NAV1: variants seen among roughly 807,000 people sequenced by gnomAD.
NAV1 encodes pore membrane and/or filament interacting like protein 3.
A neutral mutation model predicts 175.2 loss-of-function variants in NAV1; 18 were observed. The observed-to-expected ratio is 0.10, with a 90% CI of 0.07 to 0.15. NAV1 has a LOEUF of 0.15. Among genes scored for constraint, NAV1 ranks in the 10% least tolerant of loss-of-function variants. The pLI is 1.00. For missense variants in NAV1, 1,731 were observed against 2,436.6 expected (o/e 0.71, Z 6.10); for synonymous variants, 897 against 978.7 (o/e 0.92, Z 1.56).
At chr1:201,642,415 C>T (rs141200346) in intron 2 of NAV1, among the ~76,000 whole-genome samples, 10,329 of 151,656 alleles carry the variant, frequency 0.068, 1,122 homozygotes, top group African/African-American at 0.23. Flanking sequence ...TTAGTACAGA[C>T]GGGGTTTCAC....
At chr1:201,549,757 T>TC (rs1665793683) in intron 1 of NAV1, among the ~76,000 whole-genome samples, 1 of 146,956 alleles carries the variant, frequency 6.8e-6, no homozygotes, top group Non-Finnish European at 1.5e-5. Context: ...ACACCTGTAA[T>TC]CCCAGCACTT....
In NAV1 at chr1:201,804,597, AAAAAAT is replaced by A; in HGVS notation, c.3648+101_3648+106del. On this transcript the variant is annotated intron_variant, in intron 17 of 29. Coordinates refer to ENST00000367296, the Ensembl canonical transcript of NAV1. ...CTTCCCCTAAAAAAAAAAAAAAAAAAAAAAATGAATGACCACTCATAACACTAACTG... is the reference window on the plus strand; with the variant it reads ...CTTCCCCTAAAAAAAAAAAAAAAAAAGAATGACCACTCATAACACTAACTG... 2.5e-4 allele frequency: 284 copies of A among 1,114,126 alleles called. 1 individual carries two copies. The highest frequency in any genetic ancestry group is 5.4e-4 in the East Asian group (21 of 38,608). 69.0% of individuals were successfully genotyped at this position (1,114,126 alleles called of 1,614,324 possible).
chr1:201,632,923 A>G (rs1446059724), intron 2 of NAV1, among the ~76,000 whole-genome samples: 2 of 152,246 alleles, frequency 1.3e-5, no homozygotes, highest in Non-Finnish European at 2.9e-5. Flanking sequence ...ATTCATTCTA[A>G]GAGAACTTGC....
chr1:201,615,559 G>A (rs1422385062), intron 2 of NAV1, among the ~76,000 whole-genome samples: 1 of 151,918 alleles, frequency 6.6e-6, no homozygotes, highest in Non-Finnish European at 1.5e-5. Flanking sequence ...CACCATTCTT[G>A]GCCAATTTCT....
At chr1:201,606,303 C>T (rs1403617911) in intron 2 of NAV1, among the ~76,000 whole-genome samples, 1 of 152,188 alleles carries the variant, frequency 6.6e-6, no homozygotes, top group Non-Finnish European at 1.5e-5. Context: ...CAGGGGGCTA[C>T]CTGGTCTGTC....
intron 1 of NAV1, among the ~76,000 whole-genome samples, chr1:201,686,835 C>T (rs1391157022): frequency 1.3e-5 from 2 of 152,222 alleles, no homozygotes; most frequent in Non-Finnish European, 2.9e-5. Context: ...ACTGCACTCA[C>T]CTTCCCCCAC....
chr1:201,785,529 G>C (rs180776663), intron 8 of NAV1, among the ~76,000 whole-genome samples, 178 bp downstream of exon 12: 48 of 152,226 alleles, frequency 3.2e-4, no homozygotes, highest in Middle Eastern at 3.4e-3. Context: ...AATATTATGT[G>C]AGTCAACTTT....
At chr1:201,767,611 G>A (rs1021617996) in intron 3 of NAV1, among the ~76,000 whole-genome samples, 2 of 152,074 alleles carry the variant, frequency 1.3e-5, no homozygotes, top group African/African-American at 4.8e-5. Context: ...GTCTTTGAAA[G>A]CTTACTCCAC....
At chr1:201,640,025 C>G (rs974524937) in intron 2 of NAV1, among the ~76,000 whole-genome samples, 1 of 152,160 alleles carries the variant, frequency 6.6e-6, no homozygotes, top group Non-Finnish European at 1.5e-5. Context: ...TCTCGGCATT[C>G]CCACCCTTCT....
intron 3 of NAV1, among the ~76,000 whole-genome samples, chr1:201,749,421 T>G (rs919901975): frequency 6.6e-6 from 1 of 152,178 alleles, no homozygotes; most frequent in African/African-American, 2.4e-5. Context: ...GGGCATCAGA[T>G]AGAGCACAAC....
chr1:201,621,332 CTTTTTTTT>C (rs11422175), upstream of NAV1, among the ~76,000 whole-genome samples: 5 of 118,918 alleles, frequency 4.2e-5, no homozygotes, highest in Non-Finnish European at 6.9e-5. Context: ...TCTTTTCTTT[CTTTTTTTT>C]TTTTTTTTTT....
At chr1:201,713,376 C>T (rs1029516756) in intron 2 of NAV1, among the ~76,000 whole-genome samples, 2 of 152,178 alleles carry the variant, frequency 1.3e-5, no homozygotes, top group Non-Finnish European at 2.9e-5. Flanking sequence ...GTTAGGTGCC[C>T]CCTGGCCTCT....
intron 13 of NAV1, chr1:201,793,261 GC>G (rs762412088): frequency 4.2e-4 from 64 of 153,546 alleles, no homozygotes; most frequent in Middle Eastern, 6.8e-3. Flanking sequence ...TTCCAGCCTT[GC>G]AAACCTGGAG....
intron 1 of NAV1, among the ~76,000 whole-genome samples, chr1:201,671,146 C>T (rs957655652): frequency 9.9e-5 from 15 of 152,108 alleles, no homozygotes; most frequent in African/African-American, 3.4e-4. Context: ...ACGGTATTAC[C>T]GAGCCCAGGA....
chr1:201,677,792 T>A (rs1670312243), intron 1 of NAV1, among the ~76,000 whole-genome samples: 1 of 152,148 alleles, frequency 6.6e-6, no homozygotes. Flanking sequence ...CACGCCTGGC[T>A]AATTTTTTTT....
chr1:201,746,180 T>C (rs1333414880), intron 3 of NAV1, among the ~76,000 whole-genome samples: 1 of 152,124 alleles, frequency 6.6e-6, no homozygotes, highest in Non-Finnish European at 1.5e-5. Context: ...CATCATATGG[T>C]GATAGTTTTG....
chr1:201,687,484 C>G (rs182772546), intron 1 of NAV1, among the ~76,000 whole-genome samples: 1 of 152,332 alleles, frequency 6.6e-6, no homozygotes, highest in African/African-American at 2.4e-5. Flanking sequence ...ACAATAACAA[C>G]TATGATATGA....
chr1:201,641,780 A>T (rs971177135), intron 2 of NAV1, among the ~76,000 whole-genome samples: 1 of 152,086 alleles, frequency 6.6e-6, no homozygotes, highest in African/African-American at 2.4e-5. Flanking sequence ...TGCTCTCCAG[A>T]TCCTGACTGT....
rs372658581 is a variant in NAV1 at position 201,628,521 on chromosome 1, A to T, written c.-100-883A>T. On this transcript the variant is annotated intron_variant, in intron 1 of 29. Coordinates refer to the NAV1 transcript ENST00000367302. ...AGGCATTGAAAAAAGTGAAAACTGG[A>T]GAGAGAGAAAGACAAATCTCAGTGG... is the stretch of plus-strand genomic sequence containing the variant. Among the ~76,000 whole-genome samples the T allele has an allele frequency of 3.3e-5, 5 of 152,240 alleles. 1 individual carries two copies. Among genetic ancestry groups the T allele is most frequent in the African/African-American group, 9.6e-5 (4 of 41,556 alleles).
Sources: allele counts gnomAD v4.1 joint callset (sites outside exome capture counted in the v4.1 genomes callset), GRCh38; gene constraint gnomAD v4.1.1; transcripts MANE v1.5; gene names NCBI Gene and HGNC (gene_info 2026-07-23, HGNC 2026-07-21).